Variants in MSH3 observed in about 807,000 individuals in gnomAD.
The protein encoded by MSH3 is mutS homolog 3.
MSH3 carries 106 observed loss-of-function variants against 123.3 expected under a neutral mutation model. The ratio of observed to expected loss-of-function variants is 0.86; its 90% CI spans 0.73 to 1.01. The LOEUF (loss-of-function observed/expected upper bound fraction) is 1.01. Among genes scored for constraint, MSH3 ranks in the 50% least tolerant of loss-of-function variants. The probability of loss-of-function intolerance (pLI) is 0.00; values close to 1 mark genes in which losing one functional copy is unlikely to be tolerated. For missense variants in MSH3, 1,459 were observed against 1,347.6 expected (o/e 1.08, Z -1.29); for synonymous variants, 515 against 481.4 (o/e 1.07, Z -0.91).
intron 12 of MSH3, among the ~76,000 whole-genome samples, chr5:80,756,607 G>A (rs1743930660): frequency 6.6e-6 from 1 of 152,036 alleles, no homozygotes; most frequent in Admixed American, 6.6e-5. Context: ...GGTGCTCCTG[G>A]CCTGTGTTCC....
intron 22 of MSH3, among the ~76,000 whole-genome samples, chr5:80,869,531 A>G (rs950258911): frequency 4.6e-5 from 7 of 152,028 alleles, no homozygotes; most frequent in East Asian, 3.9e-4. Flanking sequence ...ACATAATTAC[A>G]GAAAGAGATC....
chr5:80,654,848 A>C lies in MSH3; in HGVS notation c.121A>C (p.Thr41Pro), dbSNP rs1580538038. The C allele has an allele frequency of 1.9e-6, 3 of 1,592,682 alleles. No homozygotes were observed. The highest frequency in any genetic ancestry group is 2.6e-6 in the Non-Finnish European group (3 of 1,170,378). ...TGSLKSTSSS[T>P]GAADQVDPGA... Reference sequence around the variant, plus strand: ...AAGCCTGAAATCCACCTCCTCCTCCACAGGTGCAGCCGACCAGGTGGACCC... The same window carrying C: ...AAGCCTGAAATCCACCTCCTCCTCCCCAGGTGCAGCCGACCAGGTGGACCC... The change falls in exon 1 of 24, where the codon ACA (threonine) becomes CCA (proline). Residue 41 changes from threonine (T) to proline (P), a missense_variant. Thr to Pro is a conservative substitution (Grantham distance 38). Coordinates refer to ENST00000265081, the MANE Select transcript of MSH3 (RefSeq NM_002439.5).
chr5:80,668,352 C>G (rs142061490), intron 3 of MSH3, among the ~76,000 whole-genome samples: 1 of 152,262 alleles, frequency 6.6e-6, no homozygotes, highest in Non-Finnish European at 1.5e-5. Flanking sequence ...GGGCTTCACC[C>G]GGACCTGACC....
At chr5:80,786,541 A>AT (rs1408295756) in intron 17 of MSH3, among the ~76,000 whole-genome samples, 4 of 152,160 alleles carry the variant, frequency 2.6e-5, no homozygotes, top group Admixed American at 1.3e-4. Context: ...CTACTTAAAC[A>AT]TTTTTTGTGC....
intron 21 of MSH3, among the ~76,000 whole-genome samples, chr5:80,856,199 T>C (rs1209223015): frequency 6.6e-6 from 1 of 152,122 alleles, no homozygotes; most frequent in Non-Finnish European, 1.5e-5. Flanking sequence ...TTCTTTTCTT[T>C]GTTATTTTGG....
chr5:80,710,797 TC>T (rs1284367984), intron 8 of MSH3, among the ~76,000 whole-genome samples: 6 of 152,156 alleles, frequency 3.9e-5, no homozygotes, highest in Non-Finnish European at 1.5e-5. Context: ...AGAAAAGATT[TC>T]TAGGATCAAG....
At chr5:80,721,727 G>A (rs1388962523) in intron 8 of MSH3, among the ~76,000 whole-genome samples, 1 of 152,108 alleles carries the variant, frequency 6.6e-6, no homozygotes, top group East Asian at 1.9e-4. Context: ...TAGGGAGACT[G>A]AAAAACTATG....
intron 20 of MSH3, among the ~76,000 whole-genome samples, chr5:80,821,102 C>T (rs1258232320): frequency 6.6e-6 from 1 of 152,168 alleles, no homozygotes. Flanking sequence ...CAATCTAGTA[C>T]CTGACATATA....
chr5:80,751,596 G>T (rs1272080210), intron 12 of MSH3, among the ~76,000 whole-genome samples: 1 of 152,164 alleles, frequency 6.6e-6, no homozygotes, highest in Non-Finnish European at 1.5e-5. Flanking sequence ...GTAGCTCCTT[G>T]ATCTCTGCCT....
At chr5:80,805,337 A>ACCCCC (rs1744868371) in intron 19 of MSH3, among the ~76,000 whole-genome samples, 1 of 152,130 alleles carries the variant, frequency 6.6e-6, no homozygotes, top group South Asian at 2.1e-4. Context: ...TGGTGGAAAA[A>ACCCCC]ACTTCTCCAT....
At chr5:80,775,581 T>TTAAGA in intron 15 of MSH3, 113 bp from the exon 16 acceptor site, 1 of 672,874 alleles carries the variant, frequency 1.5e-6, no homozygotes, top group South Asian at 1.7e-5. Context: ...AATACTGGAC[T>TTAAGA]TATCTTGAGT....
chr5:80,827,165 A>G (rs1283186439), intron 20 of MSH3, among the ~76,000 whole-genome samples: 1 of 152,224 alleles, frequency 6.6e-6, no homozygotes, highest in East Asian at 1.9e-4. Flanking sequence ...TCATTAGAAA[A>G]CAGTTTGAAA....
At chr5:80,871,111 A>T (rs1452690654) in intron 22 of MSH3, among the ~76,000 whole-genome samples, 1 of 152,166 alleles carries the variant, frequency 6.6e-6, no homozygotes, top group Non-Finnish European at 1.5e-5. Context: ...TAGGAGGCAG[A>T]TTCTGAGATT....
At chr5:80,668,966 CCTA>C (rs1411515597) in intron 3 of MSH3, among the ~76,000 whole-genome samples, 3 of 152,200 alleles carry the variant, frequency 2.0e-5, no homozygotes, top group Non-Finnish European at 2.9e-5. Context: ...CTGCGCCTCT[CCTA>C]CTGCAGCTGG....
At position 80,654,908 on chromosome 5, in the gene MSH3, G is replaced by GCAGCGCCCCCAGCGCCCC. The variant is rs60484572; in HGVS notation, c.186_203dup (p.Pro64_Pro69dup). ...AGCGGCTGCAGCGGCCGCAGCGGCC[G>GCAGCGCCCCCAGCGCCCC]CAGCGCCCCCAGCGCCCCCAGCTCC... On this transcript the variant is annotated inframe_insertion, in exon 1 of 24. Coordinates refer to ENST00000265081, the MANE Select transcript of MSH3 (RefSeq NM_002439.5). The GCAGCGCCCCCAGCGCCCC allele has an allele frequency of 1.7e-3, 2,640 of 1,538,904 alleles. 41 individuals carry two copies. The African/African-American group carries it at 0.032, about 18-fold the overall frequency.
chr5:80,851,296 C>G (rs1164582360), intron 20 of MSH3, among the ~76,000 whole-genome samples: 1 of 152,078 alleles, frequency 6.6e-6, no homozygotes, highest in Non-Finnish European at 1.5e-5. Context: ...TGTAACAAGT[C>G]TCTGTCTCAT....
At chr5:80,758,835 A>C (rs1018690807) in intron 12 of MSH3, among the ~76,000 whole-genome samples, 2 of 152,024 alleles carry the variant, frequency 1.3e-5, no homozygotes, top group Non-Finnish European at 2.9e-5. Flanking sequence ...TTTTTGAGAC[A>C]GTAGCTATTT....
At chr5:80,849,689 T>C (rs1275344542) in intron 20 of MSH3, among the ~76,000 whole-genome samples, 2 of 152,046 alleles carry the variant, frequency 1.3e-5, no homozygotes, top group Non-Finnish European at 2.9e-5. Flanking sequence ...GTCCCTATGC[T>C]ACACACAGCG....
intron 18 of MSH3, among the ~76,000 whole-genome samples, chr5:80,788,820 GAGAT>G (rs1744559727): frequency 1.3e-5 from 2 of 151,068 alleles, no homozygotes; most frequent in South Asian, 2.1e-4. Flanking sequence ...AAAAAAAAGA[GAGAT>G]AGAATTTAAA....
Sources: gnomAD v4.1 joint callset for allele counts (sites outside exome capture counted in the v4.1 genomes callset) on GRCh38, gnomAD v4.1.1 for gene constraint, MANE v1.5 for transcripts, NCBI Gene and HGNC (gene_info 2026-07-23, HGNC 2026-07-21) for gene names.